BCAS3: variants seen among roughly 807,000 people sequenced by gnomAD.
BCAS3 encodes BCAS3 microtubule associated cell migration factor.
In BCAS3, 53 loss-of-function variants were observed where a neutral mutation model predicts 116.1. The observed-to-expected ratio is 0.46, with a 90% CI of 0.37 to 0.57. The LOEUF (loss-of-function observed/expected upper bound fraction) is 0.57, where lower values mean the gene tolerates loss of function less well. Among genes scored for constraint, BCAS3 ranks in the 20% least tolerant of loss-of-function variants. The pLI, the probability that BCAS3 is intolerant of heterozygous loss-of-function variation, is 0.00. For synonymous variants in BCAS3, 391 were observed against 408.2 expected (o/e 0.96, Z 0.51); for missense variants, 917 against 1,165.4 (o/e 0.79, Z 3.10).
chr17:61,058,486 T>C (rs1021451389), intron 19 of BCAS3, among the ~76,000 whole-genome samples: 1 of 152,216 alleles, frequency 6.6e-6, no homozygotes, highest in South Asian at 2.1e-4. Flanking sequence ...CTCGGCTGAT[T>C]TCTGTGCTCT....
intron 22 of BCAS3, among the ~76,000 whole-genome samples, chr17:61,301,926 C>T (rs1260507272): frequency 6.6e-6 from 1 of 152,030 alleles, no homozygotes; most frequent in East Asian, 1.9e-4. Context: ...CCCTTTCCGC[C>T]CCCTCACAAA....
intron 5 of BCAS3, 98 bp downstream of exon 5, chr17:60,709,423 C>G: frequency 1.4e-6 from 1 of 725,290 alleles, no homozygotes; most frequent in Non-Finnish European, 2.3e-6. Context: ...CAGAGTCTCA[C>G]TCTTCGCCCA....
In BCAS3 at chr17:61,040,869, A is replaced by G. The variant is rs2067448780; in HGVS notation, c.2006A>G (p.Tyr669Cys). The G allele has an allele frequency of 1.9e-6, 3 of 1,613,928 alleles. No individual in the cohort carries two copies. The highest frequency in any genetic ancestry group is 2.5e-6 in the Non-Finnish European group (3 of 1,179,922). ...PLLLAADAVQ[Y>C]YQFLLAGLVP... ...CTCCTCGCTGCAGATGCAGTACAGT[A>G]TTATCAGTTCCTGCTTGCTGGCCGT... Residue 669 changes from tyrosine to cysteine, a missense_variant, in exon 19 of 24, where the codon TAT (tyrosine) becomes TGT (cysteine). Tyr to Cys is a radical substitution (Grantham distance 194, BLOSUM62 -2). Around this residue, in one of 3 missense-constraint regions of BCAS3, gnomAD observed 807 missense variants for 1,026.0 expected, o/e 0.79. Coordinates refer to ENST00000407086, the MANE Select transcript of BCAS3 (RefSeq NM_017679.5).
At position 61,087,080 on chromosome 17, in the gene BCAS3, A is replaced by AT; in HGVS notation, c.2425+2520dup. 1.0e-6 allele frequency: 1 copy of AT among 984,980 alleles called. No individual in the cohort carries two copies. The highest frequency in any genetic ancestry group is 1.2e-6 in the Non-Finnish European group (1 of 829,576). The allele number at this position is 984,980 out of a possible 1,614,324, so 61.0% of individuals were successfully genotyped here. A position where few individuals can be genotyped will look rare whatever the true frequency, so the allele number is the denominator to read the frequency against. ...TTTATGTAAACATATTTATGGGAAA[A>AT]TTTTGTTGTAGATTCTTCTGTTAAA... On this transcript the variant is annotated intron_variant, in intron 22 of 23. Coordinates refer to ENST00000407086, the MANE Select transcript of BCAS3 (RefSeq NM_017679.5). This position sits in a 1 kb window ranked among gnomAD's most constrained non-coding sequence, Gnocchi z 4.6.
intron 2 of BCAS3, among the ~76,000 whole-genome samples, chr17:60,681,841 T>C (rs1371823006): frequency 6.6e-6 from 1 of 152,176 alleles, no homozygotes; most frequent in African/African-American, 2.4e-5. Context: ...GCGATTCTCC[T>C]GCCTCAGCCT....
Position 61,337,249 on chromosome 17 carries a change from T to G in BCAS3, c.2426-31078T>G, listed in dbSNP as rs536597887. ...CGTGAGCCATGTCAGTGTCTGTAAATAGAGGCAGTTGCAGGTTCACGTATC... is the reference window on the plus strand; with the variant it reads ...CGTGAGCCATGTCAGTGTCTGTAAAGAGAGGCAGTTGCAGGTTCACGTATC... On this transcript the variant is annotated intron_variant, in intron 22 of 23. Coordinates refer to ENST00000407086, the MANE Select transcript of BCAS3 (RefSeq NM_017679.5). The surrounding 1 kb of genome is among the most constrained non-coding windows in gnomAD (Gnocchi z 4.8). 6.5e-4 allele frequency among the ~76,000 whole-genome samples: 99 copies of G among 152,308 alleles called. No individual in the cohort carries two copies. Among genetic ancestry groups the G allele is most frequent in the Non-Finnish European group, 1.1e-3 (74 of 68,022 alleles).
chr17:60,708,090 G>A (rs1432156970), intron 4 of BCAS3, among the ~76,000 whole-genome samples: 5 of 152,034 alleles, frequency 3.3e-5, no homozygotes, highest in Admixed American at 1.3e-4. Context: ...TTGGGAAGCC[G>A]AGGCAGGTGG....
intron 22 of BCAS3, among the ~76,000 whole-genome samples, chr17:61,270,481 T>C (rs1379269012): frequency 6.6e-6 from 1 of 152,042 alleles, no homozygotes; most frequent in Non-Finnish European, 1.5e-5. Flanking sequence ...GTGCTCTTTA[T>C]ACATTCTGGA....
chr17:61,334,337 G>A (rs548411328), intron 22 of BCAS3, among the ~76,000 whole-genome samples: 1 of 152,290 alleles, frequency 6.6e-6, no homozygotes, highest in South Asian at 2.1e-4. Flanking sequence ...TCATCTATAA[G>A]ATAGGATGAT....
At position 61,034,056 on chromosome 17, in the gene BCAS3, G is replaced by C. The variant is rs781123831; in HGVS notation, c.1638-610G>C. ...TTTCACAAATCCGAGAAGAAAAAGA[G>C]ACAACAGGAAGATCAGTGAATATAA... On this transcript the variant is annotated intron_variant, in intron 16 of 23. Transcript: ENST00000407086. This position sits in a 1 kb window ranked among gnomAD's most constrained non-coding sequence, Gnocchi z 5.0. Among the ~76,000 whole-genome samples the C allele has an allele frequency of 1.3e-5, 2 of 152,158 alleles. No individual in the cohort carries two copies. Among genetic ancestry groups the C allele is most frequent in the African/African-American group, 4.8e-5 (2 of 41,424 alleles).
chr17:61,015,340 G>A (rs1321287219), intron 15 of BCAS3, among the ~76,000 whole-genome samples: 1 of 152,292 alleles, frequency 6.6e-6, no homozygotes, highest in Non-Finnish European at 1.5e-5. Context: ...CCTGGGCTTG[G>A]AGTGCAGGGG....
At chr17:60,881,498 G>C (rs2056145513) in intron 9 of BCAS3, among the ~76,000 whole-genome samples, 1 of 150,776 alleles carries the variant, frequency 6.6e-6, no homozygotes, top group Admixed American at 6.6e-5. Flanking sequence ...GTGCAGGTTA[G>C]TTACATATGT....
rs1234257790 is a variant in BCAS3 at position 61,229,258 on chromosome 17, A to G, written c.2426-139069A>G. Among the ~76,000 whole-genome samples, 1 of 152,254 alleles carries G rather than the reference A, an allele frequency of 6.6e-6. No homozygotes were observed. Among genetic ancestry groups the G allele is most frequent in the Non-Finnish European group, 1.5e-5 (1 of 68,040 alleles). On this transcript the variant is annotated intron_variant, in intron 22 of 23. Coordinates refer to ENST00000407086, the MANE Select transcript of BCAS3 (RefSeq NM_017679.5). This position sits in a 1 kb window ranked among gnomAD's most constrained non-coding sequence, Gnocchi z 4.4. ...CAATTCTATGAAGCTGAGAGAGGTG[A>G]GGAAGCTACAGAAGAAAAGTTTGAA... is the stretch of plus-strand genomic sequence containing the variant.
Position 61,241,893 on chromosome 17 carries a change from CTTGT to C in BCAS3, c.2426-126424_2426-126421del, listed in dbSNP as rs776474247. 5.9e-5 allele frequency among the ~76,000 whole-genome samples: 9 copies of C among 151,984 alleles called. No homozygotes were observed. Among genetic ancestry groups the C allele is most frequent in the Non-Finnish European group, 1.0e-4 (7 of 67,972 alleles). On this transcript the variant is annotated intron_variant, in intron 22 of 23. Transcript: ENST00000407086. This position sits in a 1 kb window ranked among gnomAD's most constrained non-coding sequence, Gnocchi z 4.6. Reference sequence around the variant, plus strand: ...TAATAGTATAATATTCAGGTTTTTTCTTGTTTGTTTGTTGTTTACTAAAGAGGAA... The same window carrying C: ...TAATAGTATAATATTCAGGTTTTTTCTTGTTTGTTGTTTACTAAAGAGGAA...
At chr17:60,980,064 G>A (rs564061674) in intron 14 of BCAS3, among the ~76,000 whole-genome samples, 7,137 of 151,964 alleles carry the variant, frequency 0.047, 554 homozygotes, top group African/African-American at 0.16. Flanking sequence ...TAGTTTCAGA[G>A]GGAATGGTAC....
At chr17:60,851,502 G>A (rs2053158781) in intron 7 of BCAS3, 2 of 578,450 alleles carry the variant, frequency 3.5e-6, no homozygotes, top group Admixed American at 2.2e-5. Flanking sequence ...GAAAAAGGCA[G>A]CAGCAAAGCA....
At chr17:60,849,446 TG>T (rs2052858696) in intron 7 of BCAS3, among the ~76,000 whole-genome samples, 1 of 152,154 alleles carries the variant, frequency 6.6e-6, no homozygotes, top group Admixed American at 6.6e-5. Flanking sequence ...AGGGGTAGTG[TG>T]CAGAGGAGAG....
chr17:61,071,048 C>A (rs1019200791), intron 19 of BCAS3, among the ~76,000 whole-genome samples: 1 of 152,138 alleles, frequency 6.6e-6, no homozygotes, highest in East Asian at 1.9e-4. Context: ...CTTGATATGT[C>A]CCCCAACATC....
Position 60,962,463 on chromosome 17 carries a change from A to G in BCAS3, c.1221+15111A>G, listed in dbSNP as rs1055115848. Among the ~76,000 whole-genome samples, 4 of 151,650 alleles carry G rather than the reference A, an allele frequency of 2.6e-5. No homozygotes were observed. Among genetic ancestry groups the G allele is most frequent in the Non-Finnish European group, 5.9e-5 (4 of 67,902 alleles). On this transcript the variant is annotated intron_variant, in intron 14 of 23. Transcript: ENST00000407086. This position sits in a 1 kb window ranked among gnomAD's most constrained non-coding sequence, Gnocchi z 4.4. ...GTTGAGCATTTTTTTTCATATACCT[A>G]TTGGCCATTTGCATGTCTTCTTTTG...
Sources: gnomAD v4.1 joint callset for allele counts (sites outside exome capture counted in the v4.1 genomes callset) on GRCh38, gnomAD v4.1.1 for gene constraint, gnomAD v4.1.1 regional missense constraint, Gnocchi (gnomAD v3.1) non-coding constraint, MANE v1.5 for transcripts, NCBI Gene and HGNC (gene_info 2026-07-23, HGNC 2026-07-21) for gene names.